CRACDL: variants seen among roughly 807,000 people sequenced by gnomAD.
The protein encoded by CRACDL is CRACD like.
CRACDL carries 26 observed loss-of-function variants against 70.6 expected under a neutral mutation model. The ratio of observed to expected loss-of-function variants is 0.37; its 90% CI spans 0.27 to 0.51. The LOEUF (loss-of-function observed/expected upper bound fraction) is 0.51, where lower values mean the gene tolerates loss of function less well. Ranked by LOEUF, CRACDL falls within the 20% of genes least tolerant of loss-of-function variation. CRACDL has a pLI of 0.94. For synonymous variants in CRACDL, 618 were observed against 615.2 expected, an observed-to-expected ratio of 1.00 and a Z score of -0.07; for missense variants, 1,283 against 1,376.9, an observed-to-expected ratio of 0.93 and a Z score of 1.08.
chr2:98,830,773 C>T (rs1001395511), intron 5 of CRACDL, among the ~76,000 whole-genome samples: 5 of 152,080 alleles, frequency 3.3e-5, no homozygotes, highest in African/African-American at 1.2e-4. Flanking sequence ...GAATTTGTGC[C>T]TCATAGTGTC....
At chr2:98,815,743 G>A (rs1306965440) in intron 7 of CRACDL, among the ~76,000 whole-genome samples, 1 of 152,202 alleles carries the variant, frequency 6.6e-6, no homozygotes, top group African/African-American at 2.4e-5. Context: ...AAGGACCGTT[G>A]CCCTGCAGAG....
intron 7 of CRACDL, among the ~76,000 whole-genome samples, chr2:98,818,690 G>T (rs930403178): frequency 6.6e-6 from 1 of 152,244 alleles, no homozygotes; most frequent in East Asian, 1.9e-4. Flanking sequence ...CAATGAGAAT[G>T]ATAATAGTAG....
At chr2:98,874,745 C>A (rs963770721) in intron 1 of CRACDL, among the ~76,000 whole-genome samples, 6 of 152,328 alleles carry the variant, frequency 3.9e-5, no homozygotes, top group African/African-American at 1.4e-4. Flanking sequence ...TCATCTGTCA[C>A]CCCACCACCC....
At chr2:98,915,022 A>C (rs533044100) in intron 1 of CRACDL, among the ~76,000 whole-genome samples, 1 of 152,376 alleles carries the variant, frequency 6.6e-6, no homozygotes, top group Admixed American at 6.5e-5. Context: ...TCTTGGCACC[A>C]GCCTCTGTTC....
intron 1 of CRACDL, among the ~76,000 whole-genome samples, chr2:98,860,174 C>G (rs183965541): frequency 6.6e-6 from 1 of 152,024 alleles, no homozygotes; most frequent in African/African-American, 2.4e-5. Flanking sequence ...GGAAAGATAT[C>G]CTGTGTTCAT....
intron 1 of CRACDL, among the ~76,000 whole-genome samples, chr2:98,871,848 A>G (rs1707356766): frequency 1.3e-5 from 2 of 152,192 alleles, no homozygotes; most frequent in Admixed American, 1.3e-4. Flanking sequence ...CCCACCATAC[A>G]TTGCAATGGG....
At position 98,866,475 on chromosome 2, in the gene CRACDL, C is replaced by CTTTTTTTTTTTT. The variant is rs1173322192; in HGVS notation, c.-10-19677_-10-19666dup. Among the ~76,000 whole-genome samples the CTTTTTTTTTTTT allele has an allele frequency of 2.4e-3, 103 of 43,242 alleles. 10 individuals are homozygous for CTTTTTTTTTTTT. Among genetic ancestry groups the CTTTTTTTTTTTT allele is most frequent in the African/African-American group, 9.3e-3 (93 of 9,972 alleles). 28.4% of individuals were successfully genotyped at this position (43,242 alleles called of 152,430 possible). A position where few individuals can be genotyped will look rare whatever the true frequency, so the allele number is the denominator to read the frequency against. On this transcript the variant is annotated intron_variant, in intron 1 of 9. Transcript: ENST00000397899. Reference sequence around the variant, plus strand: ...CTGATAGATGAAACAATCACTTCTTCTTTTTTTTTTTTTTTTTTTTTTTTT... The same window carrying CTTTTTTTTTTTT: ...CTGATAGATGAAACAATCACTTCTTCTTTTTTTTTTTTTTTTTTTTTTTTTTTTTTTTTTTTT...
At chr2:98,898,991 C>T (rs940388167) in intron 1 of CRACDL, among the ~76,000 whole-genome samples, 1 of 152,100 alleles carries the variant, frequency 6.6e-6, no homozygotes, top group Non-Finnish European at 1.5e-5. Context: ...CTGAAAAATC[C>T]CCAGTGATAG....
chr2:98,922,906 A>C (rs1708838015), intron 1 of CRACDL, among the ~76,000 whole-genome samples: 1 of 152,228 alleles, frequency 6.6e-6, no homozygotes, highest in Non-Finnish European at 1.5e-5. Flanking sequence ...AAAAGAAATG[A>C]AATATAGAAT....
In CRACDL at chr2:98,876,376, AC is replaced by A. The variant is rs539073616; in HGVS notation, c.-10-29567del. On this transcript the variant is annotated intron_variant, in intron 1 of 9. Coordinates refer to ENST00000397899, the MANE Select transcript of CRACDL (RefSeq NM_207362.3). Reference sequence around the variant, plus strand: ...CCCTTGGGCCGTGGACTGGTACCAGACCGTGGCCTGTTAGGAAGCAGGCCAC... The same window carrying A: ...CCCTTGGGCCGTGGACTGGTACCAGACGTGGCCTGTTAGGAAGCAGGCCAC... Among the ~76,000 whole-genome samples, 17 of 152,202 alleles carry A rather than the reference AC, an allele frequency of 1.1e-4. No individual in the cohort carries two copies. The East Asian group carries it at 3.3e-3, about 29-fold the overall frequency.
chr2:98,906,322 C>T (rs911736005), intron 1 of CRACDL, among the ~76,000 whole-genome samples: 4 of 148,254 alleles, frequency 2.7e-5, no homozygotes, highest in African/African-American at 7.5e-5. Context: ...AGTGCAGTGG[C>T]GCAATCTTGG....
At chr2:98,832,566 C>G (rs1298534699) in intron 4 of CRACDL, 54 bp from the exon 5 acceptor site, 1 of 1,450,274 alleles carries the variant, frequency 6.9e-7, no homozygotes, top group African/African-American at 1.4e-5. Flanking sequence ...TATTTATCAA[C>G]AAATCCTCCT....
chr2:98,857,557 G>A (rs1275296077), intron 1 of CRACDL, among the ~76,000 whole-genome samples: 1 of 151,822 alleles, frequency 6.6e-6, no homozygotes, highest in Non-Finnish European at 1.5e-5. Context: ...AATAACAGAA[G>A]AAAATAGAAT....
chr2:98,931,729 C>G (rs1709084993), intron 1 of CRACDL, among the ~76,000 whole-genome samples: 1 of 152,224 alleles, frequency 6.6e-6, no homozygotes, highest in Non-Finnish European at 1.5e-5. Context: ...AGAAAAATGT[C>G]TGAGAATCCT....
chr2:98,852,414 C>T (rs569398156), intron 1 of CRACDL, among the ~76,000 whole-genome samples: 1 of 152,142 alleles, frequency 6.6e-6, no homozygotes, highest in East Asian at 1.9e-4. Flanking sequence ...TATGAAATAT[C>T]ATTTACAATG....
chr2:98,913,166 A>C (rs940150500), intron 1 of CRACDL, among the ~76,000 whole-genome samples: 1 of 152,158 alleles, frequency 6.6e-6, no homozygotes, highest in African/African-American at 2.4e-5. Flanking sequence ...CTGAAGACCT[A>C]CTATGTGCTC....
At chr2:98,902,280 G>A (rs1282186042) in intron 1 of CRACDL, among the ~76,000 whole-genome samples, 3 of 152,134 alleles carry the variant, frequency 2.0e-5, no homozygotes, top group Non-Finnish European at 4.4e-5. Context: ...TGTGCTGAAG[G>A]GGTCTCCGGC....
Position 98,822,561 on chromosome 2 carries a change from G to C in CRACDL, c.1712C>G (p.Ala571Gly). Reference protein sequence around the residue: ...AERGGAELRGAKKFSVSSCRA... With the variant: ...AERGGAELRGGKKFSVSSCRA... The stretch of plus-strand genomic sequence containing the variant: ...GCACGAGGACACCGAGAACTTCTTC[G>C]CGCCTCGCAGCTCGGCACCGCCCCT... The change falls in exon 7 of 10, where the codon GCG becomes GGG. Residue 571 changes from alanine (A) to glycine (G), a missense_variant. This residue lies in a region of CRACDL where 921 missense variants were observed against 881.9 expected (regional missense o/e 1.04). Transcript: ENST00000397899. This position sits in a 1 kb window ranked among gnomAD's most constrained non-coding sequence, Gnocchi z 4.9. The C allele has an allele frequency of 6.8e-7, 1 of 1,464,006 alleles. No homozygotes were observed. The highest frequency in any genetic ancestry group is 3.0e-5 in the East Asian group (1 of 33,038). 90.7% of individuals were successfully genotyped at this position (1,464,006 alleles called of 1,614,324 possible).
intron 1 of CRACDL, among the ~76,000 whole-genome samples, chr2:98,855,850 GAAA>G (rs1706678341): frequency 6.6e-6 from 1 of 151,996 alleles, no homozygotes; most frequent in Non-Finnish European, 1.5e-5. Flanking sequence ...AGTGAAATGA[GAAA>G]ATTCACTGAA....
Sources: gnomAD v4.1 joint callset for allele counts (sites outside exome capture counted in the v4.1 genomes callset) on GRCh38, gnomAD v4.1.1 for gene constraint, gnomAD v4.1.1 regional missense constraint, Gnocchi (gnomAD v3.1) non-coding constraint, MANE v1.5 for transcripts, NCBI Gene and HGNC (gene_info 2026-07-23, HGNC 2026-07-21) for gene names.